Variants in DAB1 observed in about 807,000 individuals in gnomAD.
DAB1 encodes the protein disabled homolog 1.
In DAB1, 15 loss-of-function variants were observed where a neutral mutation model predicts 64.6. The observed-to-expected ratio is 0.23, with a 90% CI of 0.16 to 0.36. The LOEUF is 0.36. Among genes scored for constraint, DAB1 ranks in the 10% least tolerant of loss-of-function variants. The probability of loss-of-function intolerance (pLI) is 1.00; values close to 1 mark genes in which losing one functional copy is unlikely to be tolerated. For synonymous variants in DAB1, 235 were observed against 251.9 expected (o/e 0.93, Z 0.64); for missense variants, 596 against 706.7 (o/e 0.84, Z 1.78).
chr1:57,508,424 T>C (rs543522020), intron 7 of DAB1, among the ~76,000 whole-genome samples: 8 of 152,224 alleles, frequency 5.3e-5, no homozygotes, highest in Non-Finnish European at 1.2e-4. Flanking sequence ...TGTCACTGCT[T>C]CAAGGAAGCA....
chr1:58,412,600 G>T lies in DAB1; in HGVS notation n.258-69197C>A, dbSNP rs139812502. ...GCATTTGTCACAATCTACCTTCCGGGTTAGAATTTGGTACATAAGTCTGGT... is the reference window on the plus strand; with the variant it reads ...GCATTTGTCACAATCTACCTTCCGGTTTAGAATTTGGTACATAAGTCTGGT... On this transcript the variant is annotated intron_variant and non_coding_transcript_variant, in intron 3 of 20. Coordinates refer to the DAB1 transcript ENST00000485760. Among the ~76,000 whole-genome samples, 52 of 152,290 alleles carry T rather than the reference G, an allele frequency of 3.4e-4. No individual in the cohort carries two copies. The East Asian group carries it at 9.8e-3, about 29-fold the overall frequency.
intron 7 of DAB1, among the ~76,000 whole-genome samples, chr1:57,647,048 T>C (rs1646200178): frequency 2.6e-5 from 4 of 152,162 alleles, no homozygotes; most frequent in Admixed American, 2.6e-4. Flanking sequence ...CCTTCTCTTT[T>C]TGACATTTAC....
intron 3 of DAB1, among the ~76,000 whole-genome samples, chr1:57,137,735 G>T (rs1658256137): frequency 6.6e-6 from 1 of 152,152 alleles, no homozygotes. Flanking sequence ...CTAAAATAAT[G>T]ATTTCATATT....
At chr1:57,780,959 C>G (rs1235214130) in intron 6 of DAB1, among the ~76,000 whole-genome samples, 10 of 151,478 alleles carry the variant, frequency 6.6e-5, no homozygotes, top group Non-Finnish European at 1.5e-5. Flanking sequence ...AACTCCTGAC[C>G]TCAGGTGATC....
At chr1:57,652,724 ACT>A (rs1435128233) in intron 6 of DAB1, among the ~76,000 whole-genome samples, 1 of 152,126 alleles carries the variant, frequency 6.6e-6, no homozygotes. Context: ...TAAAGAACCA[ACT>A]CTGTTTCATT....
intron 2 of DAB1, among the ~76,000 whole-genome samples, chr1:57,168,387 G>A (rs1346749310): frequency 6.6e-6 from 1 of 152,100 alleles, no homozygotes; most frequent in Non-Finnish European, 1.5e-5. Context: ...TTTCCCATTG[G>A]AATGACACCT....
At chr1:58,470,376 GT>G (rs1193424323) in intron 3 of DAB1, among the ~76,000 whole-genome samples, 4 of 151,976 alleles carry the variant, frequency 2.6e-5, no homozygotes, top group Non-Finnish European at 4.4e-5. Flanking sequence ...GTTTTGCCAT[GT>G]TTCCCAGGCT....
chr1:57,781,086 TTCTCTCTC>T (rs1180662610), intron 6 of DAB1, among the ~76,000 whole-genome samples: 132 of 42,054 alleles, frequency 3.1e-3, no homozygotes, highest in East Asian at 5.2e-3. Flanking sequence ...TTTGAGATCA[TTCTCTCTC>T]TCTCTCTCTC....
At chr1:58,357,851 G>A (rs1644126201) in intron 3 of DAB1, among the ~76,000 whole-genome samples, 1 of 152,104 alleles carries the variant, frequency 6.6e-6, no homozygotes, top group South Asian at 2.1e-4. Flanking sequence ...ACCTGTAAAG[G>A]AGATGTCTCT....
At chr1:57,831,656 G>C (rs1389089894) in intron 1 of DAB1, among the ~76,000 whole-genome samples, 2 of 148,796 alleles carry the variant, frequency 1.3e-5, no homozygotes, top group Non-Finnish European at 3.0e-5. Flanking sequence ...GATCCTCCCA[G>C]CTCAGCTTCC....
chr1:58,054,464 T>C (rs895585521), intron 5 of DAB1, among the ~76,000 whole-genome samples: 1 of 152,220 alleles, frequency 6.6e-6, no homozygotes, highest in Non-Finnish European at 1.5e-5. Flanking sequence ...TTTAAAAGCA[T>C]GGACCACTAA....
chr1:58,269,163 C>A (rs499961), intron 4 of DAB1, among the ~76,000 whole-genome samples: 4 of 130,886 alleles, frequency 3.1e-5, no homozygotes, highest in South Asian at 5.8e-4. Context: ...ATCCCTCCCC[C>A]CTCCCCCGAC....
chr1:57,987,274 T>A lies in DAB1; in HGVS notation n.388-103112A>T, dbSNP rs894329001. 3.3e-5 allele frequency among the ~76,000 whole-genome samples: 5 copies of A among 152,310 alleles called. No homozygotes were observed. In the South Asian group the frequency reaches 6.2e-4, roughly 19 times the overall value. On this transcript the variant is annotated intron_variant and non_coding_transcript_variant, in intron 5 of 20. Transcript: ENST00000485760. ...CAGCAGACAATTCTTCCCAGCCACA[T>A]AGACACATCCGGGTTCTATTTTCTA... is the stretch of plus-strand genomic sequence containing the variant.
chr1:57,956,972 G>C (rs777919899), intron 5 of DAB1, among the ~76,000 whole-genome samples: 5 of 152,134 alleles, frequency 3.3e-5, no homozygotes, highest in Non-Finnish European at 7.4e-5. Context: ...TTGCAAACTT[G>C]CTCATAGGCC....
intron 5 of DAB1, among the ~76,000 whole-genome samples, chr1:58,018,063 T>C (rs947883531): frequency 6.6e-6 from 1 of 152,154 alleles, no homozygotes; most frequent in Non-Finnish European, 1.5e-5. Flanking sequence ...TAAGACTTTC[T>C]GATCATGATG....
At chr1:58,377,468 G>C (rs998837179) in intron 3 of DAB1, among the ~76,000 whole-genome samples, 8 of 137,234 alleles carry the variant, frequency 5.8e-5, no homozygotes, top group African/African-American at 2.2e-4. Flanking sequence ...TGAAATTCTG[G>C]GTTGAAAATT....
intron 6 of DAB1, among the ~76,000 whole-genome samples, chr1:57,775,551 GAA>G (rs57659796): frequency 1.3e-5 from 2 of 150,048 alleles, no homozygotes; most frequent in African/African-American, 4.9e-5. Context: ...TCTAGATATT[GAA>G]AAAAAAATTG....
At chr1:57,900,502 C>T (rs1644458027) in intron 5 of DAB1, among the ~76,000 whole-genome samples, 2 of 152,176 alleles carry the variant, frequency 1.3e-5, no homozygotes, top group Middle Eastern at 3.2e-3. Context: ...GCCTTGCAGC[C>T]CTGATGGCTG....
intron 7 of DAB1, among the ~76,000 whole-genome samples, chr1:57,572,958 A>G (rs148196798): frequency 3.3e-4 from 50 of 152,278 alleles, no homozygotes; most frequent in African/African-American, 1.2e-3. Context: ...ACCATTAAGG[A>G]TCCACTCTCA....
Sources: allele counts gnomAD v4.1 joint callset (sites outside exome capture counted in the v4.1 genomes callset), GRCh38; gene constraint gnomAD v4.1.1; transcripts MANE v1.5; gene names NCBI Gene and HGNC (gene_info 2026-07-23, HGNC 2026-07-21).